Variants in IL27 observed in about 807,000 individuals in gnomAD.
The protein encoded by IL27 is interleukin-27 subunit alpha.
Under a neutral mutation model 27.0 loss-of-function variants are expected in IL27, and 11 were observed. That is an observed-to-expected ratio of 0.41 (90% CI 0.26 to 0.67). The LOEUF (loss-of-function observed/expected upper bound fraction) is 0.67, where lower values mean the gene tolerates loss of function less well. Among genes scored for constraint, IL27 ranks in the 30% least tolerant of loss-of-function variants. The pLI is 0.34. For synonymous variants in IL27, 134 were observed against 140.6 expected (o/e 0.95, Z 0.33); for missense variants, 299 against 310.4 (o/e 0.96, Z 0.28).
At position 28,499,622 on chromosome 16, in the gene IL27, T is replaced by TG; in HGVS notation, c.*28dup. ...ACTCCAGTCCTAAAGTTCTAAAGGGTGGGGGGCAGGGGGCTAAGAAGCCAC... is the reference window on the plus strand; with the variant it reads ...ACTCCAGTCCTAAAGTTCTAAAGGGTGGGGGGGCAGGGGGCTAAGAAGCCAC... On this transcript the variant is annotated 3_prime_UTR_variant, in exon 5 of 5. Coordinates refer to ENST00000356897, the MANE Select transcript of IL27 (RefSeq NM_145659.3). The TG allele has an allele frequency of 6.8e-7, 1 of 1,469,186 alleles. No individual in the cohort carries two copies. The highest frequency in any genetic ancestry group is 9.1e-7 in the Non-Finnish European group (1 of 1,101,786). The allele number at this position is 1,469,186 out of a possible 1,614,324, so 91.0% of individuals were successfully genotyped here. A position where few individuals can be genotyped will look rare whatever the true frequency, so the allele number is the denominator to read the frequency against.
intron 3 of IL27, 90 bp from the exon 4 acceptor site, chr16:28,502,224 T>G (rs1270585361): frequency 1.6e-6 from 2 of 1,242,104 alleles, no homozygotes; most frequent in Non-Finnish European, 2.2e-6. Context: ...CTCCTTCCCA[T>G]TCCACGCTCC....
At chr16:28,500,022 C>T in intron 4 of IL27, 102 bp from the exon 5 acceptor site, 1 of 1,397,124 alleles carries the variant, frequency 7.2e-7, no homozygotes, top group Non-Finnish European at 9.5e-7. Context: ...CATCAGTGAC[C>T]ACAAGGTCAT....
intron 3 of IL27, among the ~76,000 whole-genome samples, 162 bp downstream of exon 3, chr16:28,503,533 G>T (rs181209): frequency 0.24 from 36,764 of 152,172 alleles, 5,883 homozygotes; most frequent in Non-Finnish European, 0.33. Flanking sequence ...GTTTATAGGT[G>T]TAAGTCACCA....
intron 3 of IL27, 116 bp downstream of exon 3, chr16:28,503,579 C>T (rs1314787568): frequency 4.2e-6 from 3 of 714,684 alleles, no homozygotes; most frequent in East Asian, 2.7e-5. Flanking sequence ...ATGACATATT[C>T]AGCCTTATCC....
At chr16:28,504,845 A>G (rs2046452998) in intron 1 of IL27, among the ~76,000 whole-genome samples, 1 of 151,948 alleles carries the variant, frequency 6.6e-6, no homozygotes, top group Admixed American at 6.5e-5. Context: ...AGCCTCCCAA[A>G]TTGCTGGGAT....
chr16:28,502,862 G>T (rs1257770178), intron 3 of IL27, among the ~76,000 whole-genome samples: 1 of 152,136 alleles, frequency 6.6e-6, no homozygotes, highest in African/African-American at 2.4e-5. Flanking sequence ...TCGCTCTGTT[G>T]CCCAGGCTGG....
At position 28,505,791 on chromosome 16, in the gene IL27, C is replaced by T. The variant is rs116640838; in HGVS notation, c.31+990G>A. Among the ~76,000 whole-genome samples, 120 of 152,250 alleles carry T rather than the reference C, an allele frequency of 7.9e-4. 1 individual carries two copies. Among genetic ancestry groups the T allele is most frequent in the African/African-American group, 2.6e-3 (110 of 41,560 alleles). The stretch of plus-strand genomic sequence containing the variant: ...CTCGAAACACAAACCAAAACTGGCC[C>T]GAAGTCCATCCTGCTCTCCCTTCTC... On this transcript the variant is annotated intron_variant, in intron 1 of 4. Coordinates refer to ENST00000356897, the MANE Select transcript of IL27 (RefSeq NM_145659.3).
In IL27 at chr16:28,499,713, G is replaced by C. The variant is rs1173332462; in HGVS notation, c.670C>G (p.Leu224Val). 6.2e-7 allele frequency: 1 copy of C among 1,613,554 alleles called. No homozygotes were observed. Among genetic ancestry groups the C allele is most frequent in the Non-Finnish European group, 8.5e-7 (1 of 1,179,838 alleles). ...CAGACTGAGTGCCCAGCCTTGGACAGCAGCAGCAACTCCCGCACGGCCCGA... is the reference window on the plus strand; with the variant it reads ...CAGACTGAGTGCCCAGCCTTGGACACCAGCAGCAACTCCCGCACGGCCCGA... ...LSRAVRELLL[L>V]SKAGHSVWPL... is the part of the protein sequence containing the mutation. The change falls in exon 5 of 5, where the codon CTG (leucine) becomes GTG (valine). Residue 224 changes from leucine to valine, a missense_variant. Coordinates refer to ENST00000356897, the MANE Select transcript of IL27 (RefSeq NM_145659.3).
At chr16:28,505,795 G>A (rs1034191594) in intron 1 of IL27, among the ~76,000 whole-genome samples, 5 of 152,100 alleles carry the variant, frequency 3.3e-5, no homozygotes, top group Non-Finnish European at 5.9e-5. Context: ...CTGGCCCGAA[G>A]TCCATCCTGC....
In IL27 at chr16:28,503,790, C is replaced by T. The variant is rs2046446861; in HGVS notation, c.208G>A (p.Glu70Lys). The T allele has an allele frequency of 6.2e-7, 1 of 1,613,130 alleles. No homozygotes were observed. Among genetic ancestry groups the T allele is most frequent in the African/African-American group, 1.3e-5 (1 of 75,058 alleles). Residue 70 changes from glutamate (E) to lysine (K), a missense_variant, in exon 3 of 5, where the codon GAA (glutamate) becomes AAA (lysine). By Grantham distance (56) the Glu-to-Lys change is moderately conservative. Transcript: ENST00000356897. The part of the protein sequence containing the change: ...EVRGQAHRFA[E>K]SHLPGVNLYL... The stretch of plus-strand genomic sequence containing the variant: ...AGGTTCACTCCTGGCAGGTGAGATT[C>T]CGCCTGGGGGGCAAGGTCTGTTAGT...
At chr16:28,500,062 TC>T in intron 4 of IL27, 142 bp from the exon 5 acceptor site, 1 of 1,161,734 alleles carries the variant, frequency 8.6e-7, no homozygotes, top group Non-Finnish European at 1.2e-6. Context: ...TGCTTGATCT[TC>T]CATGATGTCA....
At chr16:28,501,696 C>G (rs1395666163) in intron 4 of IL27, among the ~76,000 whole-genome samples, 1 of 151,292 alleles carries the variant, frequency 6.6e-6, no homozygotes, top group Non-Finnish European at 1.5e-5. Context: ...GACCCACATG[C>G]ACTCACAGTC....
chr16:28,506,701 A>G (rs1293192958), intron 1 of IL27, 80 bp downstream of exon 1: 2 of 1,373,716 alleles, frequency 1.5e-6, no homozygotes, highest in Non-Finnish European at 2.0e-6. Context: ...TCAGCTCTCG[A>G]CCCCCCATCT....
chr16:28,500,014 T>G, intron 4 of IL27, 94 bp from the exon 5 acceptor site: 2 of 1,423,006 alleles, frequency 1.4e-6, no homozygotes, highest in Non-Finnish European at 1.9e-6. Context: ...CCCAATGACA[T>G]CAGTGACCAC....
chr16:28,502,713 T>G (rs900988576), intron 3 of IL27, among the ~76,000 whole-genome samples: 1 of 152,100 alleles, frequency 6.6e-6, no homozygotes, highest in African/African-American at 2.4e-5. Flanking sequence ...CCACCCTCCA[T>G]GCTGCTGTGA....
Position 28,503,919 on chromosome 16 carries a change from T to C in IL27, c.163A>G (p.Arg55Gly). Reference sequence around the variant, plus strand: ...CCCCGAACCTCGGAGAGCAGCTTCCTGGCGAGATGCAGGCTGACTGTGAAC... The same window carrying C: ...CCCCGAACCTCGGAGAGCAGCTTCCCGGCGAGATGCAGGCTGACTGTGAAC... ...REFTVSLHLA[R>G]KLLSEVRGQA... is the part of the protein sequence containing the mutation. Residue 55 changes from arginine to glycine, a missense_variant, in exon 2 of 5, where the codon AGG (arginine) becomes GGG (glycine). Transcript: ENST00000356897. 3 of 1,614,208 alleles carry C rather than the reference T, an allele frequency of 1.9e-6. No homozygotes were observed. In the South Asian group the frequency reaches 3.3e-5, roughly 18 times the overall value.
rs1250680254 is a variant in IL27 at position 28,499,886 on chromosome 16, T to G, written c.497A>C (p.Glu166Ala). The change falls in exon 5 of 5, where the codon GAG (glutamate) becomes GCG (alanine). Residue 166 changes from glutamate to alanine, a missense_variant. Transcript: ENST00000356897. ...CTCCTCCTCCTCCTCTTCCTCCTCC[T>G]CCTCCTCCGGGAGGTTGAATCCTGC... ...LAAGFNLPEE[E>A]EEEEEEEEEE... 1.3e-6 allele frequency: 2 copies of G among 1,551,916 alleles called. No individual in the cohort carries two copies. Among genetic ancestry groups the G allele is most frequent in the African/African-American group, 2.7e-5 (2 of 72,948 alleles).
intron 4 of IL27, among the ~76,000 whole-genome samples, chr16:28,500,937 C>T (rs1032294288): frequency 6.6e-6 from 1 of 152,126 alleles, no homozygotes. Flanking sequence ...CAGTGGCTCA[C>T]GCCTGTAATC....
chr16:28,501,864 GTCACACTCACACTC>G, intron 4 of IL27, 98 bp downstream of exon 4: 1 of 1,290,308 alleles, frequency 7.8e-7, no homozygotes. Flanking sequence ...TGGACACTCA[GTCACACTCACACTC>G]TCACACTCAC....
Sources: gnomAD v4.1 joint callset for allele counts (sites outside exome capture counted in the v4.1 genomes callset) on GRCh38, gnomAD v4.1.1 for gene constraint, MANE v1.5 for transcripts, NCBI Gene and HGNC (gene_info 2026-07-23, HGNC 2026-07-21) for gene names.